CDKL1: variants seen among roughly 807,000 people sequenced by gnomAD.
CDKL1 encodes cyclin dependent kinase like 1.
Under a neutral mutation model 42.0 loss-of-function variants are expected in CDKL1, and 41 were observed. The ratio of observed to expected loss-of-function variants is 0.98; its 90% CI spans 0.76 to 1.27. CDKL1 has a LOEUF of 1.27. CDKL1 is among the 50% of genes most tolerant of loss of function. The pLI is 0.00. For missense variants in CDKL1, 394 were observed against 428.4 expected (o/e 0.92, Z 0.71); for synonymous variants, 153 against 158.6 (o/e 0.96, Z 0.26).
intron 2 of CDKL1, among the ~76,000 whole-genome samples, chr14:50,371,688 A>G (rs2034595543): frequency 6.6e-6 from 1 of 152,164 alleles, no homozygotes; most frequent in South Asian, 2.1e-4. Flanking sequence ...AGGAGCTGGG[A>G]ACAGATGGGA....
intron 1 of CDKL1, 164 bp downstream of exon 1, chr14:50,396,660 A>T (rs1200590251): frequency 2.2e-5 from 4 of 182,614 alleles, no homozygotes; most frequent in African/African-American, 7.1e-5. Context: ...GGCGGCGGCG[A>T]GGCTTGGCCG....
intron 3 of CDKL1, among the ~76,000 whole-genome samples, chr14:50,346,422 G>C (rs10151630): frequency 3.0e-4 from 45 of 151,866 alleles, no homozygotes; most frequent in Non-Finnish European, 5.7e-4. Context: ...ATGCAACTAA[G>C]ATGAGACATT....
intron 2 of CDKL1, among the ~76,000 whole-genome samples, chr14:50,388,784 C>T (rs954887784): frequency 6.6e-6 from 1 of 152,134 alleles, no homozygotes; most frequent in African/African-American, 2.4e-5. Flanking sequence ...GGTCACTCCA[C>T]AGCTTCAAGC....
intron 2 of CDKL1, among the ~76,000 whole-genome samples, chr14:50,391,294 T>C (rs920995732): frequency 1.3e-5 from 2 of 152,228 alleles, no homozygotes; most frequent in South Asian, 2.1e-4. Flanking sequence ...ATGTGTCATA[T>C]GCAAATCAGA....
intron 2 of CDKL1, chr14:50,362,942 A>G (rs1478878791): frequency 2.2e-6 from 1 of 463,302 alleles, no homozygotes; most frequent in South Asian, 1.6e-5. Context: ...TTTGCAATAA[A>G]TCTTGCTGCT....
intron 2 of CDKL1, 68 bp from the exon 3 acceptor site, chr14:50,359,217 A>C: frequency 6.6e-7 from 1 of 1,525,056 alleles, no homozygotes; most frequent in Non-Finnish European, 8.9e-7. Context: ...ATCTTGATCC[A>C]ATAAAAAGTA....
At chr14:50,362,325 G>A (rs1223199998) in intron 2 of CDKL1, 2 of 339,596 alleles carry the variant, frequency 5.9e-6, no homozygotes, top group African/African-American at 2.3e-5. Flanking sequence ...GTGGCCTGGT[G>A]TGGGATCCAC....
At chr14:50,380,970 T>A (rs975831255) in intron 2 of CDKL1, among the ~76,000 whole-genome samples, 1 of 152,108 alleles carries the variant, frequency 6.6e-6, no homozygotes, top group Non-Finnish European at 1.5e-5. Context: ...CCCAGCTGTA[T>A]CCTCTTTAAA....
chr14:50,353,489 G>A (rs2033964077), intron 3 of CDKL1, among the ~76,000 whole-genome samples: 1 of 150,868 alleles, frequency 6.6e-6, no homozygotes, highest in South Asian at 2.1e-4. Flanking sequence ...AAGGGCTGGG[G>A]GTCTGGCCAA....
chr14:50,376,646 T>C (rs2034739781), intron 2 of CDKL1, among the ~76,000 whole-genome samples: 1 of 152,204 alleles, frequency 6.6e-6, no homozygotes, highest in South Asian at 2.1e-4. Flanking sequence ...TAAATGTTCA[T>C]TAAAATATGT....
chr14:50,337,429 G>A (rs1409983472), intron 7 of CDKL1, among the ~76,000 whole-genome samples: 2 of 148,820 alleles, frequency 1.3e-5, no homozygotes, highest in Admixed American at 6.7e-5. Context: ...ATAGTTTACT[G>A]TAACCTCAAA....
At chr14:50,342,884 A>G (rs1394377813) in intron 4 of CDKL1, 2 of 1,289,382 alleles carry the variant, frequency 1.6e-6, no homozygotes, top group African/African-American at 1.6e-5. Flanking sequence ...CAAGATAAAC[A>G]AGAGTAGGCA....
Position 50,396,210 on chromosome 14 carries a change from AAAAG to A in CDKL1, c.-346_-343del, listed in dbSNP as rs1235768428. The A allele has an allele frequency of 2.3e-5, 23 of 999,012 alleles. No individual in the cohort carries two copies. The South Asian group carries it at 3.4e-4, about 15-fold the overall frequency. The allele number at this position is 999,012 out of a possible 1,614,324, so 61.9% of individuals were successfully genotyped here. A position where few individuals can be genotyped will look rare whatever the true frequency, so the allele number is the denominator to read the frequency against. ...CAAAAAAAAAAAAAAAAAAAAAAAAAAAAGAAAGAAAGAAAAGAAAAGAAAGGAT... is the reference window on the plus strand; with the variant it reads ...CAAAAAAAAAAAAAAAAAAAAAAAAAAAAGAAAGAAAAGAAAAGAAAGGAT... On this transcript the variant is annotated 5_prime_UTR_variant, in exon 2 of 10. Coordinates refer to ENST00000395834, the MANE Select transcript of CDKL1 (RefSeq NM_004196.7).
intron 2 of CDKL1, chr14:50,362,899 C>G (rs1332108784): frequency 2.3e-6 from 1 of 441,646 alleles, no homozygotes; most frequent in African/African-American, 2.0e-5. Flanking sequence ...CCCTGGGCAC[C>G]ATTCACACTG....
At chr14:50,345,706 A>T (rs1284004003) in intron 3 of CDKL1, among the ~76,000 whole-genome samples, 1 of 152,138 alleles carries the variant, frequency 6.6e-6, no homozygotes, top group Non-Finnish European at 1.5e-5. Flanking sequence ...AAATGTTAAT[A>T]ATAATTTAAA....
At chr14:50,378,327 C>G (rs1429790281) in intron 2 of CDKL1, 1 of 1,366,498 alleles carries the variant, frequency 7.3e-7, no homozygotes, top group Non-Finnish European at 9.8e-7. Context: ...CAATAAGGTT[C>G]TTGCTCTGCG....
At position 50,344,975 on chromosome 14, in the gene CDKL1, A is replaced by G. The variant is rs763514764; in HGVS notation, c.363+11T>C. The G allele has an allele frequency of 1.9e-6, 3 of 1,609,970 alleles. No homozygotes were observed. The highest frequency in any genetic ancestry group is 1.7e-5 in the Admixed American group (1 of 59,972). On this transcript the variant is annotated intron_variant, in intron 4 of 9. Coordinates refer to ENST00000395834, the MANE Select transcript of CDKL1 (RefSeq NM_004196.7). Reference sequence around the variant, plus strand: ...GCCTTGTTGCTTTTCAAAAGAGATCATGAGACTTACATTGTGTTTATGGCA... The same window carrying G: ...GCCTTGTTGCTTTTCAAAAGAGATCGTGAGACTTACATTGTGTTTATGGCA...
chr14:50,369,898 C>T (rs1050564398), intron 2 of CDKL1, among the ~76,000 whole-genome samples: 2 of 151,812 alleles, frequency 1.3e-5, no homozygotes, highest in Non-Finnish European at 2.9e-5. Context: ...GGATTACAGG[C>T]GTGAGCCACC....
intron 2 of CDKL1, among the ~76,000 whole-genome samples, chr14:50,367,666 T>C (rs1220434676): frequency 6.6e-6 from 1 of 152,198 alleles, no homozygotes; most frequent in East Asian, 1.9e-4. Flanking sequence ...TAAATTACCA[T>C]ATATACCACA....
Sources: allele counts gnomAD v4.1 joint callset (sites outside exome capture counted in the v4.1 genomes callset), GRCh38; gene constraint gnomAD v4.1.1; transcripts MANE v1.5; gene names NCBI Gene and HGNC (gene_info 2026-07-23, HGNC 2026-07-21).